Variants in MDGA2 observed in about 807,000 individuals in gnomAD.
The protein encoded by MDGA2 is MAM domain-containing glycosylphosphatidylinositol anchor protein 2.
In MDGA2, 40 loss-of-function variants were observed where a neutral mutation model predicts 117.8. The ratio of observed to expected loss-of-function variants is 0.34; its 90% confidence interval spans 0.26 to 0.44. MDGA2 has a LOEUF of 0.44. Ranked by LOEUF, MDGA2 falls within the 20% of genes least tolerant of loss-of-function variation. The pLI, the probability that MDGA2 is intolerant of heterozygous loss-of-function variation, is 1.00. For missense variants in MDGA2, 1,123 were observed against 1,250.6 expected (o/e 0.90, Z 1.54); for synonymous variants, 452 against 439.0 (o/e 1.03, Z -0.37).
At chr14:47,632,045 A>T (rs375993421) in intron 1 of MDGA2, among the ~76,000 whole-genome samples, 1 of 152,036 alleles carries the variant, frequency 6.6e-6, no homozygotes, top group African/African-American at 2.4e-5. Flanking sequence ...TTGGACACCT[A>T]TGCATGGACA....
intron 8 of MDGA2, chr14:46,960,408 A>T (rs1249063837): frequency 6.6e-6 from 1 of 151,574 alleles, no homozygotes; most frequent in African/African-American, 2.4e-5. Flanking sequence ...GAACTTTTTG[A>T]TCATGATTTT....
intron 1 of MDGA2, among the ~76,000 whole-genome samples, chr14:47,356,757 G>A (rs1891003179): frequency 1.3e-5 from 2 of 152,240 alleles, no homozygotes; most frequent in South Asian, 4.2e-4. Flanking sequence ...GAACAAGAAG[G>A]TAACGGAGGC....
intron 14 of MDGA2, among the ~76,000 whole-genome samples, chr14:46,870,432 A>G (rs1305502505): frequency 6.6e-6 from 1 of 152,034 alleles, no homozygotes; most frequent in Non-Finnish European, 1.5e-5. Flanking sequence ...TCCTGAGTTT[A>G]CAGATGAATG....
At chr14:47,000,400 A>ACACATATAAAT (rs1555342235) in intron 8 of MDGA2, among the ~76,000 whole-genome samples, 2 of 115,604 alleles carry the variant, frequency 1.7e-5, no homozygotes, top group African/African-American at 6.7e-5. Context: ...TTTATATATA[A>ACACATATAAAT]ATATATATTT....
chr14:47,226,616 G>C (rs957177125), intron 2 of MDGA2, among the ~76,000 whole-genome samples: 12 of 152,048 alleles, frequency 7.9e-5, no homozygotes, highest in African/African-American at 2.9e-4. Flanking sequence ...TCACACTAGA[G>C]GTGACAGGAG....
At position 47,591,404 on chromosome 14, in the gene MDGA2, C is replaced by T. The variant is rs1324393877; in HGVS notation, c.280+83113G>A. ...TGGTACCATTTCTTCTGAAACCATT[C>T]CAAACAATTTAAATGGAGTGACTTC... On this transcript the variant is annotated intron_variant, in intron 1 of 16. Coordinates refer to ENST00000399232, the MANE Select transcript of MDGA2 (RefSeq NM_001113498.3). 3.3e-5 allele frequency among the ~76,000 whole-genome samples: 5 copies of T among 152,214 alleles called. No individual in the cohort carries two copies. The South Asian group carries it at 6.2e-4, about 19-fold the overall frequency.
At chr14:47,237,359 C>T (rs1391430419) in intron 2 of MDGA2, among the ~76,000 whole-genome samples, 3 of 152,076 alleles carry the variant, frequency 2.0e-5, no homozygotes, top group African/African-American at 7.2e-5. Context: ...CAGGCCTTGC[C>T]CTTAATGCAA....
chr14:47,077,990 A>G (rs1184667615), intron 6 of MDGA2, among the ~76,000 whole-genome samples: 3 of 152,112 alleles, frequency 2.0e-5, no homozygotes, highest in African/African-American at 4.8e-5. Context: ...TGCTTAGTGT[A>G]GGCTTAAAAC....
At chr14:47,231,613 A>AT (rs921046066) in intron 2 of MDGA2, among the ~76,000 whole-genome samples, 7 of 152,010 alleles carry the variant, frequency 4.6e-5, no homozygotes, top group Middle Eastern at 3.4e-3. Context: ...TTTCTACCAG[A>AT]TTTTTTTTCC....
intron 15 of MDGA2, among the ~76,000 whole-genome samples, chr14:46,851,333 T>C (rs1275211944): frequency 6.6e-6 from 1 of 151,866 alleles, no homozygotes; most frequent in East Asian, 1.9e-4. Flanking sequence ...TGGTATATGA[T>C]GTAAAATTCA....
At chr14:47,650,699 C>T (rs1158236322) in intron 1 of MDGA2, among the ~76,000 whole-genome samples, 1 of 151,968 alleles carries the variant, frequency 6.6e-6, no homozygotes. Context: ...TGGAAAAATG[C>T]ATAAATGAAT....
intron 3 of MDGA2, among the ~76,000 whole-genome samples, chr14:47,144,945 G>A (rs892150344): frequency 6.6e-6 from 1 of 151,028 alleles, no homozygotes; most frequent in Non-Finnish European, 1.5e-5. Context: ...TACTATACTA[G>A]ACCTCTTTGT....
chr14:47,429,050 C>A, intron 1 of MDGA2, among the ~76,000 whole-genome samples: 1 of 151,936 alleles, frequency 6.6e-6, no homozygotes, highest in Admixed American at 6.6e-5. Context: ...CATGGTAAAA[C>A]CCCGTCTCTA....
At chr14:46,949,395 T>C (rs778585463) in intron 9 of MDGA2, among the ~76,000 whole-genome samples, 13 of 152,128 alleles carry the variant, frequency 8.5e-5, no homozygotes. Flanking sequence ...GTGTAGTTTT[T>C]TACATGGCTA....
rs185428267 is a variant in MDGA2, at chr14:47,415,325, C to T, written c.281-113775G>A. Reference sequence around the variant, plus strand: ...CTATAATTTAACCAACTTTAATCATCCTATCTTGTTTAAAATATGTTTTAC... The same window carrying T: ...CTATAATTTAACCAACTTTAATCATTCTATCTTGTTTAAAATATGTTTTAC... On this transcript the variant is annotated intron_variant, in intron 1 of 16. Coordinates refer to ENST00000399232, the MANE Select transcript of MDGA2 (RefSeq NM_001113498.3). Among the ~76,000 whole-genome samples the T allele has an allele frequency of 4.1e-3, 619 of 152,210 alleles. 2 individuals carry two copies. The highest frequency in any genetic ancestry group is 7.1e-3 in the Non-Finnish European group (483 of 67,988).
intron 3 of MDGA2, among the ~76,000 whole-genome samples, chr14:47,198,427 C>A (rs890251618): frequency 1.9e-4 from 29 of 152,190 alleles, no homozygotes; most frequent in Non-Finnish European, 3.4e-4. Context: ...AAAAAATTAA[C>A]CGGGCTTGGT....
intron 9 of MDGA2, among the ~76,000 whole-genome samples, chr14:46,942,118 G>A (rs1202994873): frequency 1.3e-5 from 2 of 152,254 alleles, no homozygotes; most frequent in African/African-American, 4.8e-5. Flanking sequence ...AAATATAAGA[G>A]AGAAACATTG....
chr14:46,863,266 C>A (rs1341879640), intron 14 of MDGA2, among the ~76,000 whole-genome samples: 1 of 152,116 alleles, frequency 6.6e-6, no homozygotes, highest in East Asian at 1.9e-4. Context: ...CCCTTGTTCA[C>A]CCACGCCATG....
At chr14:46,878,814 G>A (rs1291773246) in intron 11 of MDGA2, among the ~76,000 whole-genome samples, 1 of 151,984 alleles carries the variant, frequency 6.6e-6, no homozygotes, top group Admixed American at 6.6e-5. Context: ...ATCTTTCAAA[G>A]ATGTAAGCGT....
Sources: allele counts gnomAD v4.1 joint callset (sites outside exome capture counted in the v4.1 genomes callset), GRCh38; gene constraint gnomAD v4.1.1; transcripts MANE v1.5; gene names NCBI Gene and HGNC (gene_info 2026-07-23, HGNC 2026-07-21).